Variants in MARCHF10 observed in about 807,000 individuals in gnomAD.
MARCHF10 encodes the protein membrane associated ring-CH-type finger 10.
MARCHF10 carries 64 observed loss-of-function variants against 76.2 expected under a neutral mutation model. The observed-to-expected ratio is 0.84, with a 90% confidence interval of 0.69 to 1.03. The LOEUF (loss-of-function observed/expected upper bound fraction) is 1.03, where lower values mean the gene tolerates loss of function less well. Among genes scored for constraint, MARCHF10 ranks in the 50% least tolerant of loss-of-function variants. The pLI, the probability that MARCHF10 is intolerant of heterozygous loss-of-function variation, is 0.00. For missense variants in MARCHF10, 875 were observed against 958.0 expected (o/e 0.91, Z 1.14); for synonymous variants, 340 against 357.5 (o/e 0.95, Z 0.55).
At chr17:62,717,304 A>G (rs918911453) in intron 8 of MARCHF10, among the ~76,000 whole-genome samples, 3 of 152,166 alleles carry the variant, frequency 2.0e-5, no homozygotes, top group African/African-American at 7.2e-5. Flanking sequence ...GGCTCTCCCC[A>G]CAGGGCGGGC....
At position 62,701,754 on chromosome 17, in the gene MARCHF10, C is replaced by T. The variant is rs547266316; in HGVS notation, c.2376G>A (p.Ser792=). 1.4e-5 allele frequency: 23 copies of T among 1,614,100 alleles called. No individual in the cohort carries two copies. Among genetic ancestry groups the T allele is most frequent in the Non-Finnish European group, 1.4e-5 (17 of 1,180,034 alleles). ...PQPRTEENEN[S]ELGDGNEGSI... ...TGCCTTCATTTCCATCTCCCAACTC[C>T]GAATCTGGAAGGCAAGAAGGTGTTT... Residue 792 remains serine (S), a synonymous_variant, in exon 11 of 11, where the codon TCG becomes TCA. Coordinates refer to ENST00000311269, the MANE Select transcript of MARCHF10 (RefSeq NM_152598.4).
chr17:62,709,219 C>T (rs948918424), intron 9 of MARCHF10, among the ~76,000 whole-genome samples: 12 of 152,320 alleles, frequency 7.9e-5, no homozygotes, highest in African/African-American at 2.6e-4. Flanking sequence ...GGGGCTCACA[C>T]CTGTAATCCC....
chr17:62,807,132 C>A (rs1289201654), intron 1 of MARCHF10, among the ~76,000 whole-genome samples: 1 of 152,144 alleles, frequency 6.6e-6, no homozygotes, highest in Non-Finnish European at 1.5e-5. Context: ...TCAACCTTTT[C>A]CCCAATTGAT....
intron 3 of MARCHF10, among the ~76,000 whole-genome samples, chr17:62,770,622 C>A (rs752927541): frequency 6.8e-6 from 1 of 147,644 alleles, no homozygotes; most frequent in Non-Finnish European, 1.5e-5. Flanking sequence ...CTCACTGAAA[C>A]CTCGGCCTGC....
intron 5 of MARCHF10, among the ~76,000 whole-genome samples, chr17:62,742,360 T>C (rs939519317): frequency 6.6e-6 from 1 of 152,172 alleles, no homozygotes; most frequent in Non-Finnish European, 1.5e-5. Context: ...GTTTTTCTTA[T>C]TGATTTGTGA....
intron 5 of MARCHF10, 41 bp from the exon 6 acceptor site, chr17:62,737,373 GC>G (rs1254369034): frequency 1.9e-6 from 3 of 1,576,652 alleles, no homozygotes; most frequent in Non-Finnish European, 2.6e-6. Flanking sequence ...CAGTAAAAGG[GC>G]CCATGGATGA....
chr17:62,741,051 T>C (rs533847439), intron 5 of MARCHF10, among the ~76,000 whole-genome samples: 4 of 152,214 alleles, frequency 2.6e-5, no homozygotes, highest in Non-Finnish European at 5.9e-5. Context: ...CCTGAAGGCA[T>C]TTGAATTTAT....
intron 5 of MARCHF10, 76 bp from the exon 6 acceptor site, chr17:62,737,408 A>C: frequency 7.1e-7 from 1 of 1,410,452 alleles, no homozygotes; most frequent in Admixed American, 2.2e-5. Flanking sequence ...CCAAGTGCAA[A>C]ATTGCCCTTT....
intron 3 of MARCHF10, among the ~76,000 whole-genome samples, chr17:62,777,548 T>A (rs2092573921): frequency 6.6e-6 from 1 of 151,530 alleles, no homozygotes; most frequent in African/African-American, 2.4e-5. Flanking sequence ...TGAAATCCCA[T>A]CTCTACTAAA....
Position 62,701,323 on chromosome 17 carries a change from A to AG in MARCHF10, c.*379_*380insC. 4.2e-6 allele frequency: 1 copy of AG among 238,982 alleles called. No homozygotes were observed. The highest frequency in any genetic ancestry group is 7.2e-5 in the South Asian group (1 of 13,814). The allele number at this position is 238,982 out of a possible 1,614,324, so 14.8% of individuals were successfully genotyped here. The stretch of plus-strand genomic sequence containing the variant: ...TAAACATGAACGAAGCTGGGAGAAT[A>AG]ATGTCAGTTTACTGAATGAATACAT... On this transcript the variant is annotated 3_prime_UTR_variant, in exon 11 of 11. Transcript: ENST00000311269.
At chr17:62,798,711 C>A (rs576832457) in intron 2 of MARCHF10, among the ~76,000 whole-genome samples, 9 of 152,264 alleles carry the variant, frequency 5.9e-5, no homozygotes, top group Non-Finnish European at 1.3e-4. Context: ...AAGAAGCCAG[C>A]GCTGCAGCTA....
chr17:62,736,033 T>C lies in MARCHF10; in HGVS notation c.1835A>G (p.Gln612Arg), dbSNP rs2147802579. Residue 612 changes from glutamine to arginine, a missense_variant, in exon 6 of 11, where the codon CAA (glutamine) becomes CGA (arginine). Coordinates refer to ENST00000311269, the MANE Select transcript of MARCHF10 (RefSeq NM_152598.4). The stretch of plus-strand genomic sequence containing the variant: ...TGCCATCCTGCTCCCATTATCATTT[T>C]GATTTGGGAAATGAGACACTGCAAA... Reference protein sequence around the residue: ...TFFAVSHFPNQNDNGSRMAAS... With the variant: ...TFFAVSHFPNRNDNGSRMAAS... 1 of 1,614,214 alleles carries C rather than the reference T, an allele frequency of 6.2e-7. No individual in the cohort carries two copies. Among genetic ancestry groups the C allele is most frequent in the Admixed American group, 1.7e-5 (1 of 60,028 alleles).
At chr17:62,714,805 G>A (rs748385020) in intron 8 of MARCHF10, among the ~76,000 whole-genome samples, 1 of 152,048 alleles carries the variant, frequency 6.6e-6, no homozygotes, top group Non-Finnish European at 1.5e-5. Context: ...GAGTGCAATG[G>A]TGTGATCTCG....
intron 4 of MARCHF10, among the ~76,000 whole-genome samples, chr17:62,754,215 G>C (rs751598307): frequency 6.6e-6 from 1 of 152,152 alleles, no homozygotes; most frequent in African/African-American, 2.4e-5. Context: ...TGGGATTACA[G>C]GCATATGCCA....
Position 62,738,045 on chromosome 17 carries a change from C to CTCTG in MARCHF10, c.536-717_536-714dup, listed in dbSNP as rs1261780113. On this transcript the variant is annotated intron_variant, in intron 5 of 10. Coordinates refer to ENST00000311269, the MANE Select transcript of MARCHF10 (RefSeq NM_152598.4). This position sits in a 1 kb window ranked among gnomAD's most constrained non-coding sequence, Gnocchi z 4.0. ...GGCCAGAAGCATGCTAACTGTCTCT[C>CTCTG]TCTGTCTCTCTCTGTCACACACACA... The CTCTG allele has an allele frequency of 7.2e-6, 1 of 138,206 alleles. No homozygotes were observed. Among genetic ancestry groups the CTCTG allele is most frequent in the African/African-American group, 2.8e-5 (1 of 35,922 alleles). 8.6% of individuals were successfully genotyped at this position (138,206 alleles called of 1,614,324 possible).
At chr17:62,724,861 G>A in intron 7 of MARCHF10, 77 bp downstream of exon 7, 3 of 1,526,562 alleles carry the variant, frequency 2.0e-6, no homozygotes, top group East Asian at 4.7e-5. Context: ...TGATGACAAG[G>A]CTCCGGGGCC....
intron 3 of MARCHF10, among the ~76,000 whole-genome samples, chr17:62,783,820 C>T (rs1357517552): frequency 6.6e-6 from 1 of 152,106 alleles, no homozygotes; most frequent in Non-Finnish European, 1.5e-5. Context: ...CAAGATTAAA[C>T]CAGGAATAAG....
chr17:62,799,436 A>G (rs1405193972), intron 2 of MARCHF10, among the ~76,000 whole-genome samples: 2 of 152,162 alleles, frequency 1.3e-5, no homozygotes, highest in Non-Finnish European at 2.9e-5. Context: ...AAACCATCCA[A>G]TAATTCTCAC....
At chr17:62,716,493 T>C (rs976354106) in intron 8 of MARCHF10, among the ~76,000 whole-genome samples, 1 of 151,320 alleles carries the variant, frequency 6.6e-6, no homozygotes, top group African/African-American at 2.4e-5. Flanking sequence ...CCCAGCTACT[T>C]AGGAGGCTGA....
Sources: allele counts gnomAD v4.1 joint callset (sites outside exome capture counted in the v4.1 genomes callset), GRCh38; gene constraint gnomAD v4.1.1; non-coding constraint Gnocchi (gnomAD v3.1); transcripts MANE v1.5; gene names NCBI Gene and HGNC (gene_info 2026-07-23, HGNC 2026-07-21).